The following ELAVL2 variants were observed in gnomAD, a reference collection of about 807,000 sequenced individuals.
The protein encoded by ELAVL2 is ELAV-like protein 2.
ELAVL2 carries 4 observed loss-of-function variants against 34.6 expected under a neutral mutation model. The observed-to-expected ratio is 0.12, with a 90% CI of 0.06 to 0.26. The LOEUF (loss-of-function observed/expected upper bound fraction) is 0.26, where lower values mean the gene tolerates loss of function less well. Among genes scored for constraint, ELAVL2 ranks in the 10% least tolerant of loss-of-function variants. The pLI is 1.00. For synonymous variants in ELAVL2, 193 were observed against 154.8 expected, an observed-to-expected ratio of 1.25 and a Z score of -1.83; for missense variants, 432 against 442.8, an observed-to-expected ratio of 0.98 and a Z score of 0.22.
intron 1 of ELAVL2, among the ~76,000 whole-genome samples, chr9:23,805,602 T>C (rs1347401708): frequency 6.6e-6 from 1 of 152,240 alleles, no homozygotes; most frequent in Non-Finnish European, 1.5e-5. Flanking sequence ...GAGCATGAGC[T>C]TGGCATATAC....
At chr9:23,718,785 A>T (rs2042943670) in intron 3 of ELAVL2, among the ~76,000 whole-genome samples, 1 of 152,232 alleles carries the variant, frequency 6.6e-6, no homozygotes, top group Non-Finnish European at 1.5e-5. Context: ...TTTCTCTCAC[A>T]ACATGATTAG....
intron 2 of ELAVL2, among the ~76,000 whole-genome samples, chr9:23,746,999 T>C (rs992904639): frequency 2.6e-5 from 4 of 152,122 alleles, no homozygotes; most frequent in African/African-American, 7.2e-5. Flanking sequence ...GTATGACAAT[T>C]CCCTCCTTCT....
At chr9:23,779,472 T>C in intron 1 of ELAVL2, 1 of 931,592 alleles carries the variant, frequency 1.1e-6, no homozygotes, top group South Asian at 5.0e-5. Flanking sequence ...GTGGGCGGGC[T>C]TCCTTCTGGC....
intron 2 of ELAVL2, among the ~76,000 whole-genome samples, chr9:23,732,321 A>T (rs1363120609): frequency 6.6e-6 from 1 of 152,228 alleles, no homozygotes; most frequent in African/African-American, 2.4e-5. Context: ...AAGGCTAAAT[A>T]CAGTGCCCAA....
rs780194896 is a variant in ELAVL2, at chr9:23,704,756, C to G, written c.487+162G>C. The stretch of plus-strand genomic sequence containing the variant: ...ACTATACTCCACAATCTATTTTTAT[C>G]CATGCATATTTATGAACAATTCCAG... On this transcript the variant is annotated intron_variant, in intron 4 of 6. Coordinates refer to ENST00000397312, the MANE Select transcript of ELAVL2 (RefSeq NM_004432.5). 2.6e-5 allele frequency among the ~76,000 whole-genome samples: 4 copies of G among 152,122 alleles called. No individual in the cohort carries two copies. In the South Asian group the frequency reaches 8.3e-4, roughly 32 times the overall value.
chr9:23,791,187 T>C (rs1564481560), intron 1 of ELAVL2, among the ~76,000 whole-genome samples: 1 of 152,152 alleles, frequency 6.6e-6, no homozygotes, highest in Non-Finnish European at 1.5e-5. Flanking sequence ...CAAACTACTG[T>C]ACAGACAGGG....
chr9:23,815,119 A>G (rs1448110334), intron 1 of ELAVL2, among the ~76,000 whole-genome samples: 5 of 152,164 alleles, frequency 3.3e-5, no homozygotes, highest in Non-Finnish European at 5.9e-5. Context: ...TGGATCCTTG[A>G]TAAGAGGTTA....
chr9:23,846,498 C>T, the ELAVL2 span, among the ~76,000 whole-genome samples: 1 of 152,016 alleles, frequency 6.6e-6, no homozygotes, highest in South Asian at 2.1e-4. Flanking sequence ...TTTTTAAAAT[C>T]ACTCTGCTTA....
intron 1 of ELAVL2, among the ~76,000 whole-genome samples, chr9:23,801,408 C>A (rs8181133): frequency 0.084 from 12,799 of 152,138 alleles, 941 homozygotes; most frequent in East Asian, 0.21. Flanking sequence ...GTTATACTGT[C>A]ATTCATTCAA....
chr9:23,841,125 A>G, the ELAVL2 span, among the ~76,000 whole-genome samples: 2 of 152,096 alleles, frequency 1.3e-5, no homozygotes, highest in African/African-American at 4.8e-5. Flanking sequence ...AGGGAAAGAG[A>G]TATGTCCTAG....
Position 23,692,454 on chromosome 9 carries a change from C to T in ELAVL2, c.*103G>A, listed in dbSNP as rs1175579455. ...TGCTAAGTAGTCATTTTATCCCCAT[C>T]TCAACACTGACTTACAAAGACATTT... On this transcript the variant is annotated 3_prime_UTR_variant, in exon 7 of 7. Transcript: ENST00000397312. 1 of 1,244,068 alleles carries T rather than the reference C, an allele frequency of 8.0e-7. No homozygotes were observed. 77.1% of individuals were successfully genotyped at this position (1,244,068 alleles called of 1,614,324 possible).
chr9:23,784,412 A>C (rs1441407180), intron 1 of ELAVL2, among the ~76,000 whole-genome samples: 1 of 152,226 alleles, frequency 6.6e-6, no homozygotes, highest in Non-Finnish European at 1.5e-5. Context: ...GTGACATTTA[A>C]GCTGAGATCT....
intron 1 of ELAVL2, among the ~76,000 whole-genome samples, chr9:23,767,904 G>A (rs905944374): frequency 1.3e-5 from 2 of 152,090 alleles, no homozygotes; most frequent in Non-Finnish European, 1.5e-5. Flanking sequence ...AGACTTCTGC[G>A]GGTTAAAGTC....
Position 23,768,092 on chromosome 9 carries a change from T to C in ELAVL2, c.-15-5843A>G, listed in dbSNP as rs569819470. ...TCATCCTAATCTACCTTAACAATGT[T>C]CCCAGGTAGACTTTCTAAACCCTCC... On this transcript the variant is annotated intron_variant, in intron 1 of 6. Transcript: ENST00000397312. Among the ~76,000 whole-genome samples, 13 of 152,236 alleles carry C rather than the reference T, an allele frequency of 8.5e-5. No homozygotes were observed. The South Asian group carries it at 2.5e-3, about 29-fold the overall frequency.
intron 1 of ELAVL2, among the ~76,000 whole-genome samples, chr9:23,798,925 C>T (rs557759852): frequency 6.6e-6 from 1 of 152,164 alleles, no homozygotes; most frequent in African/African-American, 2.4e-5. Context: ...TAATAGGCAT[C>T]ATTTAATCAA....
intron 1 of ELAVL2, among the ~76,000 whole-genome samples, chr9:23,808,322 A>G (rs2062518421): frequency 6.6e-6 from 1 of 152,122 alleles, no homozygotes; most frequent in Non-Finnish European, 1.5e-5. Context: ...AATAAACTCT[A>G]AGTTTCATAT....
chr9:23,757,021 T>G (rs1378892055), intron 2 of ELAVL2, among the ~76,000 whole-genome samples: 1 of 152,118 alleles, frequency 6.6e-6, no homozygotes, highest in Non-Finnish European at 1.5e-5. Flanking sequence ...CAAGATCACC[T>G]GGGAAGCTCT....
chr9:23,735,466 A>C (rs937153059), intron 2 of ELAVL2: 11 of 152,024 alleles, frequency 7.2e-5, no homozygotes, highest in African/African-American at 2.4e-4. Context: ...TTTAGTAGAG[A>C]CAGGGTTTCG....
At chr9:23,839,704 A>G in the ELAVL2 span, among the ~76,000 whole-genome samples, 1 of 152,182 alleles carries the variant, frequency 6.6e-6, no homozygotes, top group Admixed American at 6.6e-5. Flanking sequence ...CATTTTTGCA[A>G]TGAAATTAAT....
Sources: gnomAD v4.1 joint callset for allele counts (sites outside exome capture counted in the v4.1 genomes callset) on GRCh38, gnomAD v4.1.1 for gene constraint, MANE v1.5 for transcripts, NCBI Gene and HGNC (gene_info 2026-07-23, HGNC 2026-07-21) for gene names.